The following FLNB variants were observed in gnomAD, a reference collection of about 807,000 sequenced individuals.
The protein encoded by FLNB is filamin-B.
FLNB carries 111 observed loss-of-function variants against 250.6 expected under a neutral mutation model. That is an observed-to-expected ratio of 0.44 (90% CI 0.38 to 0.52). FLNB has a LOEUF of 0.52. Ranked by LOEUF, FLNB falls within the 20% of genes least tolerant of loss-of-function variation. FLNB has a pLI of 0.00. For synonymous variants in FLNB, 1,302 were observed against 1,372.1 expected, an observed-to-expected ratio of 0.95 and a Z score of 1.13; for missense variants, 2,869 against 3,447.8, an observed-to-expected ratio of 0.83 and a Z score of 4.20.
At chr3:58,047,493 C>T (rs2097155937) in intron 1 of FLNB, among the ~76,000 whole-genome samples, 1 of 152,160 alleles carries the variant, frequency 6.6e-6, no homozygotes, top group South Asian at 2.1e-4. Context: ...ATAACCTTCC[C>T]CAGAGCCTCC....
chr3:58,046,337 C>T (rs2097154112), intron 1 of FLNB, among the ~76,000 whole-genome samples: 1 of 152,060 alleles, frequency 6.6e-6, no homozygotes, highest in Non-Finnish European at 1.5e-5. Context: ...AAAAAATCCC[C>T]CCAAAACCAG....
chr3:58,056,308 G>A (rs2097170479), intron 1 of FLNB, among the ~76,000 whole-genome samples: 1 of 151,680 alleles, frequency 6.6e-6, no homozygotes, highest in African/African-American at 2.4e-5. Context: ...TCACCATGTT[G>A]ACCAGGCTAG....
At chr3:58,116,036 G>C (rs2097277252) in intron 18 of FLNB, among the ~76,000 whole-genome samples, 1 of 152,030 alleles carries the variant, frequency 6.6e-6, no homozygotes, top group Non-Finnish European at 1.5e-5. Flanking sequence ...AGTGCTCTGT[G>C]TGGATTAATG....
intron 18 of FLNB, among the ~76,000 whole-genome samples, chr3:58,116,227 A>G (rs908848687): frequency 6.6e-6 from 1 of 152,210 alleles, no homozygotes; most frequent in Non-Finnish European, 1.5e-5. Context: ...GGATGTGGTT[A>G]AGAGACCTGG....
intron 1 of FLNB, among the ~76,000 whole-genome samples, chr3:58,030,668 G>C (rs2097129595): frequency 6.6e-6 from 1 of 152,178 alleles, no homozygotes; most frequent in Non-Finnish European, 1.5e-5. Flanking sequence ...GAGGCCAGGA[G>C]TTCCAGATCA....
At chr3:58,075,315 T>C (rs1246426753) in intron 1 of FLNB, among the ~76,000 whole-genome samples, 9 of 152,150 alleles carry the variant, frequency 5.9e-5, no homozygotes, top group African/African-American at 2.2e-4. Flanking sequence ...ACATAAATGC[T>C]GGTGGGAGTG....
At position 58,146,914 on chromosome 3, in the gene FLNB, T is replaced by C; in HGVS notation, c.5649T>C (p.Thr1883=). The C allele has an allele frequency of 6.2e-7, 1 of 1,614,192 alleles. No individual in the cohort carries two copies. The highest frequency in any genetic ancestry group is 8.5e-7 in the Non-Finnish European group (1 of 1,180,032). Residue 1883 remains threonine (T), a synonymous_variant, in exon 34 of 46, where the codon ACT becomes ACC. Transcript: ENST00000295956. Reference sequence around the variant, plus strand: ...CATGCACAGTGACCTACCTGCCGACTCTGCCAGGCGACTACAGCATTCTGG... The same window carrying C: ...CATGCACAGTGACCTACCTGCCGACCCTGCCAGGCGACTACAGCATTCTGG... The part of the protein sequence containing the change: ...DGTCTVTYLP[T]LPGDYSILVK...
chr3:58,152,934 C>T (rs1181574461), intron 38 of FLNB: 2 of 314,352 alleles, frequency 6.4e-6, no homozygotes, highest in South Asian at 3.1e-5. Context: ...AAAGTGTGGC[C>T]CCTGGTCTTT....
rs75228448 is a variant in FLNB at position 58,136,310 on chromosome 3, G to A, written c.4861+142G>A. The A allele has an allele frequency of 4.0e-3, 3,113 of 780,898 alleles. 76 individuals carry two copies. In the African/African-American group the frequency reaches 0.046, roughly 11 times the overall value. The allele number at this position is 780,898 out of a possible 1,614,324, so 48.4% of individuals were successfully genotyped here. A position where few individuals can be genotyped will look rare whatever the true frequency, so the allele number is the denominator to read the frequency against. On this transcript the variant is annotated intron_variant, in intron 28 of 45. Transcript: ENST00000295956. The stretch of plus-strand genomic sequence containing the variant: ...GAACTTCAGTTTGACATAGATTGAA[G>A]CTCTTTGTTTTTATTTGGAGAACAT...
rs540188502 is a variant in FLNB, at chr3:58,076,371, AT to A, written c.293-674del. ...ACGTGCACACACGCATACACACACAATCTGGTAGGCTGTATACTACCAGTTT... is the reference window on the plus strand; with the variant it reads ...ACGTGCACACACGCATACACACACAACTGGTAGGCTGTATACTACCAGTTT... On this transcript the variant is annotated intron_variant, in intron 1 of 45. Transcript: ENST00000295956. Among the ~76,000 whole-genome samples, 261 of 152,154 alleles carry A rather than the reference AT, an allele frequency of 1.7e-3. 1 individual carries two copies. Among genetic ancestry groups the A allele is most frequent in the Non-Finnish European group, 2.4e-3 (161 of 68,010 alleles).
Position 58,098,817 on chromosome 3 carries a change from C to G in FLNB, c.1254C>G (p.Tyr418Ter). 1 of 1,614,118 alleles carries G rather than the reference C, an allele frequency of 6.2e-7. No individual in the cohort carries two copies. The change falls in exon 8 of 46, where the codon TAC (tyrosine) becomes TAG (stop). Residue 418 changes from tyrosine (Y) to a stop codon, truncating the protein, a stop_gained. Coordinates refer to ENST00000295956, the MANE Select transcript of FLNB (RefSeq NM_001457.4). LOFTEE classifies it high-confidence loss of function. ...GAAACCAGGTGTATCGATGTGTGTA[C>G]AAACCCATGCAGCCTGGCCCTCACG... ...DKGNQVYRCV[Y>*]KPMQPGPHVV...
chr3:58,023,358 C>T (rs1178489546), intron 1 of FLNB, among the ~76,000 whole-genome samples: 4 of 152,126 alleles, frequency 2.6e-5, no homozygotes, highest in African/African-American at 9.7e-5. Flanking sequence ...GCTGGGATTA[C>T]AGGAGTGAGC....
At chr3:58,147,701 C>T (rs2097337918) in intron 34 of FLNB, among the ~76,000 whole-genome samples, 1 of 152,158 alleles carries the variant, frequency 6.6e-6, no homozygotes, top group Admixed American at 6.5e-5. Flanking sequence ...ACTCTATCAC[C>T]CAGGCTGGAG....
chr3:58,098,955 A>T, intron 8 of FLNB, 47 bp downstream of exon 8: 2 of 1,538,690 alleles, frequency 1.3e-6, no homozygotes, highest in Non-Finnish European at 1.8e-6. Context: ...AGGGAAGCTG[A>T]CTGCACAGCT....
At chr3:58,040,448 G>A (rs1372307856) in intron 1 of FLNB, among the ~76,000 whole-genome samples, 1 of 152,170 alleles carries the variant, frequency 6.6e-6, no homozygotes, top group Admixed American at 6.5e-5. Context: ...CCTCATGGGA[G>A]TGGGTACCTG....
At chr3:58,091,390 T>C (rs1394212757) in intron 4 of FLNB, among the ~76,000 whole-genome samples, 1 of 152,094 alleles carries the variant, frequency 6.6e-6, no homozygotes, top group Non-Finnish European at 1.5e-5. Context: ...CACACAAATA[T>C]GCACAACTGA....
At chr3:58,147,327 T>A (rs534747480) in intron 34 of FLNB, among the ~76,000 whole-genome samples, 2 of 152,230 alleles carry the variant, frequency 1.3e-5, no homozygotes, top group Non-Finnish European at 2.9e-5. Context: ...AGACATGCCC[T>A]TCAGCGTCAC....
chr3:58,123,123 G>T lies in FLNB; in HGVS notation c.3157G>T (p.Gly1053Cys). 1 of 1,614,184 alleles carries T rather than the reference G, an allele frequency of 6.2e-7. No individual in the cohort carries two copies. The highest frequency in any genetic ancestry group is 1.1e-5 in the South Asian group (1 of 91,082). Residue 1053 changes from glycine to cysteine, a missense_variant, in exon 21 of 46, where the codon GGT becomes TGT. Transcript: ENST00000295956. ...VKAHGPGLEG[G>C]LVGKPAEFTI... Reference sequence around the variant, plus strand: ...GGCCCACGGTCCCGGCCTCGAAGGTGGTCTCGTGGGCAAGCCTGCCGAGTT... The same window carrying T: ...GGCCCACGGTCCCGGCCTCGAAGGTTGTCTCGTGGGCAAGCCTGCCGAGTT...
chr3:58,017,324 C>G (rs1049401152), intron 1 of FLNB, among the ~76,000 whole-genome samples: 2 of 152,202 alleles, frequency 1.3e-5, no homozygotes, highest in African/African-American at 4.8e-5. Flanking sequence ...TATCTCAGCT[C>G]ACTGCAACCT....
Sources: gnomAD v4.1 joint callset for allele counts (sites outside exome capture counted in the v4.1 genomes callset) on GRCh38, gnomAD v4.1.1 for gene constraint, MANE v1.5 for transcripts, NCBI Gene and HGNC (gene_info 2026-07-23, HGNC 2026-07-21) for gene names.